The following RANBP10 variants were observed in gnomAD, a reference collection of about 807,000 sequenced individuals.
RANBP10 encodes the protein RAN binding protein 10, also known as ran-binding protein 10.
Under a neutral mutation model 72.8 loss-of-function variants are expected in RANBP10, and 24 were observed. The ratio of observed to expected loss-of-function variants is 0.33; its 90% CI spans 0.24 to 0.46. RANBP10 has a LOEUF of 0.46. Among genes scored for constraint, RANBP10 ranks in the 20% least tolerant of loss-of-function variants. The probability of loss-of-function intolerance (pLI) is 1.00; values close to 1 mark genes in which losing one functional copy is unlikely to be tolerated. For synonymous variants in RANBP10, 310 were observed against 322.3 expected, an observed-to-expected ratio of 0.96 and a Z score of 0.41; for missense variants, 679 against 817.5, an observed-to-expected ratio of 0.83 and a Z score of 2.07.
chr16:67,730,197 C>G lies in RANBP10; in HGVS notation c.890-151G>C. 1.5e-6 allele frequency: 1 copy of G among 668,614 alleles called. No individual in the cohort carries two copies. The highest frequency in any genetic ancestry group is 2.6e-6 in the Non-Finnish European group (1 of 389,142). The allele number at this position is 668,614 out of a possible 1,614,324, so 41.4% of individuals were successfully genotyped here. A position where few individuals can be genotyped will look rare whatever the true frequency, so the allele number is the denominator to read the frequency against. On this transcript the variant is annotated intron_variant, in intron 7 of 13. Transcript: ENST00000317506. The surrounding 1 kb of genome is among the most constrained non-coding windows in gnomAD (Gnocchi z 4.3). Reference sequence around the variant, plus strand: ...CAGGAGAGGAGGCTGGAGAAAGAACCTGACTGCCCAGCCCAACAGATCCTG... The same window carrying G: ...CAGGAGAGGAGGCTGGAGAAAGAACGTGACTGCCCAGCCCAACAGATCCTG...
chr16:67,766,824 C>T (rs2054511389), intron 3 of RANBP10, among the ~76,000 whole-genome samples: 3 of 152,160 alleles, frequency 2.0e-5, no homozygotes, highest in Non-Finnish European at 4.4e-5. Flanking sequence ...CTGGATCTGA[C>T]CGGACATTCA....
chr16:67,741,455 C>T (rs2053967768), intron 4 of RANBP10, among the ~76,000 whole-genome samples: 1 of 152,200 alleles, frequency 6.6e-6, no homozygotes. Context: ...AGGCAAAGAT[C>T]CAGGATGCAA....
chr16:67,743,715 T>G (rs1267865204), intron 4 of RANBP10, among the ~76,000 whole-genome samples: 1 of 152,184 alleles, frequency 6.6e-6, no homozygotes, highest in Non-Finnish European at 1.5e-5. Flanking sequence ...CCATCCCCAC[T>G]GCCTTACCTC....
At chr16:67,800,973 G>C (rs1239108633) in intron 2 of RANBP10, among the ~76,000 whole-genome samples, 2 of 152,110 alleles carry the variant, frequency 1.3e-5, no homozygotes, top group Non-Finnish European at 2.9e-5. Flanking sequence ...ATCTGTGCTG[G>C]CTTTACATCT....
chr16:67,764,241 C>T (rs142214948), intron 3 of RANBP10, among the ~76,000 whole-genome samples: 1 of 152,302 alleles, frequency 6.6e-6, no homozygotes, highest in African/African-American at 2.4e-5. Context: ...TCTCCTTCGT[C>T]CCAAGCCTCT....
chr16:67,762,249 G>A (rs932425266), intron 3 of RANBP10, among the ~76,000 whole-genome samples: 1 of 152,194 alleles, frequency 6.6e-6, no homozygotes, highest in Non-Finnish European at 1.5e-5. Flanking sequence ...CTGGGCAACA[G>A]AGTGAGATCC....
At position 67,806,304 on chromosome 16, in the gene RANBP10, T is replaced by C; in HGVS notation, c.233A>G (p.Lys78Arg). 1 of 1,610,694 alleles carries C rather than the reference T, an allele frequency of 6.2e-7. No individual in the cohort carries two copies. Residue 78 changes from lysine to arginine, a missense_variant and splice_region_variant, in exon 1 of 14, where the codon AAA becomes AGA. By Grantham distance (26) the Lys-to-Arg change is conservative (BLOSUM62 2). Transcript: ENST00000317506. ...CCCCCAGCCTGACGGGCCGATACCT[T>C]TGTAGTGGACGCGGAGGTTGCCCTG... ...LSQGNLRVHY[K>R]GHGKNHKDAA...
Position 67,778,575 on chromosome 16 carries a change from G to C in RANBP10, c.348-6489C>G, listed in dbSNP as rs536138115. 2.6e-5 allele frequency among the ~76,000 whole-genome samples: 4 copies of C among 152,278 alleles called. No individual in the cohort carries two copies. In the South Asian group the frequency reaches 8.3e-4, roughly 32 times the overall value. The stretch of plus-strand genomic sequence containing the variant: ...ATCAAACTTTAAAACTTTTAGCTAG[G>C]AATGGTGATGTGCACCTGTAGTTCC... On this transcript the variant is annotated intron_variant, in intron 2 of 13. Coordinates refer to ENST00000317506, the MANE Select transcript of RANBP10 (RefSeq NM_020850.3).
At chr16:67,762,387 T>G (rs975798219) in intron 3 of RANBP10, 1 of 152,236 alleles carries the variant, frequency 6.6e-6, no homozygotes, top group African/African-American at 2.4e-5. Context: ...GATACTAGTA[T>G]CACTTTCATT....
chr16:67,725,328 C>G lies in RANBP10; in HGVS notation c.*1100G>C, dbSNP rs2053579260. On this transcript the variant is annotated 3_prime_UTR_variant, in exon 14 of 14. Transcript: ENST00000317506. Reference sequence around the variant, plus strand: ...TTTCTCAACAGAAAGCATCCATTCTCTCAGAGCTGTGCAGAGATGGTGAAG... The same window carrying G: ...TTTCTCAACAGAAAGCATCCATTCTGTCAGAGCTGTGCAGAGATGGTGAAG... 1 of 152,450 alleles carries G rather than the reference C, an allele frequency of 6.6e-6. No individual in the cohort carries two copies. The highest frequency in any genetic ancestry group is 2.4e-5 in the African/African-American group (1 of 41,440). 9.4% of individuals were successfully genotyped at this position (152,450 alleles called of 1,614,324 possible). A position where few individuals can be genotyped will look rare whatever the true frequency, so the allele number is the denominator to read the frequency against.
intron 6 of RANBP10, among the ~76,000 whole-genome samples, chr16:67,734,596 T>C (rs2053802108): frequency 6.6e-6 from 1 of 152,116 alleles, no homozygotes; most frequent in Non-Finnish European, 1.5e-5. Context: ...AAAACAGCCC[T>C]GCTGGTGATC....
At chr16:67,778,281 G>A (rs533835135) in intron 2 of RANBP10, among the ~76,000 whole-genome samples, 72 of 151,750 alleles carry the variant, frequency 4.7e-4, no homozygotes, top group African/African-American at 1.6e-3. Context: ...CCCAGGAGGC[G>A]GAGGTTGCAG....
At chr16:67,782,441 A>ATATTT (rs1012515315) in intron 2 of RANBP10, among the ~76,000 whole-genome samples, 2 of 151,366 alleles carry the variant, frequency 1.3e-5, no homozygotes, top group South Asian at 4.2e-4. Flanking sequence ...ATTTTATTTT[A>ATATTT]TATTTTATTT....
At chr16:67,800,627 T>C (rs1237799680) in intron 2 of RANBP10, among the ~76,000 whole-genome samples, 1 of 152,170 alleles carries the variant, frequency 6.6e-6, no homozygotes, top group Non-Finnish European at 1.5e-5. Flanking sequence ...GGCAGTGCTC[T>C]GATGTCTCCT....
At chr16:67,772,920 C>T (rs537820239) in intron 2 of RANBP10, among the ~76,000 whole-genome samples, 11 of 152,246 alleles carry the variant, frequency 7.2e-5, no homozygotes, top group African/African-American at 2.2e-4. Context: ...TAATAAATAC[C>T]ATCTTACCTT....
At chr16:67,773,993 T>G (rs1221935889) in intron 2 of RANBP10, among the ~76,000 whole-genome samples, 1 of 152,230 alleles carries the variant, frequency 6.6e-6, no homozygotes, top group Non-Finnish European at 1.5e-5. Flanking sequence ...GATTAAAACT[T>G]GCACATTTTT....
At chr16:67,788,394 A>G (rs1289891342) in intron 2 of RANBP10, among the ~76,000 whole-genome samples, 16 of 151,266 alleles carry the variant, frequency 1.1e-4, no homozygotes, top group Admixed American at 1.1e-3. Flanking sequence ...CTGGGACTAT[A>G]GGCGCCCGCC....
chr16:67,740,498 C>A (rs569042375), intron 4 of RANBP10, among the ~76,000 whole-genome samples: 2 of 152,166 alleles, frequency 1.3e-5, no homozygotes, highest in Non-Finnish European at 2.9e-5. Flanking sequence ...TGCTATCCAA[C>A]CCCTGCCCAG....
At chr16:67,739,140 A>G (rs1246153523) in intron 4 of RANBP10, 1 of 151,890 alleles carries the variant, frequency 6.6e-6, no homozygotes, top group African/African-American at 2.4e-5. Context: ...ATATTTTTGT[A>G]TTTTTGGTAG....
Sources: gnomAD v4.1 joint callset for allele counts (sites outside exome capture counted in the v4.1 genomes callset) on GRCh38, gnomAD v4.1.1 for gene constraint, Gnocchi (gnomAD v3.1) non-coding constraint, MANE v1.5 for transcripts, NCBI Gene and HGNC (gene_info 2026-07-23, HGNC 2026-07-21) for gene names.